Variants in STRBP observed in about 807,000 individuals in gnomAD.
The protein encoded by STRBP is spermatid perinuclear RNA-binding protein.
Under a neutral mutation model 80.1 loss-of-function variants are expected in STRBP, and 13 were observed. The ratio of observed to expected loss-of-function variants is 0.16; its 90% confidence interval spans 0.11 to 0.26. The LOEUF (loss-of-function observed/expected upper bound fraction) is 0.26, where lower values mean the gene tolerates loss of function less well. Ranked by LOEUF, STRBP falls within the 10% of genes least tolerant of loss-of-function variation. The pLI is 1.00. For synonymous variants in STRBP, 284 were observed against 291.2 expected (o/e 0.98, Z 0.25); for missense variants, 485 against 815.2 (o/e 0.59, Z 4.93).
At chr9:123,166,591 TA>T (rs1054586355) in intron 6 of STRBP, among the ~76,000 whole-genome samples, 1 of 151,686 alleles carries the variant, frequency 6.6e-6, no homozygotes, top group African/African-American at 2.4e-5. Context: ...TCATCTCTAC[TA>T]AAATACAAAA....
intron 11 of STRBP, among the ~76,000 whole-genome samples, chr9:123,157,017 C>T (rs571470799): frequency 2.6e-5 from 4 of 152,166 alleles, no homozygotes; most frequent in East Asian, 1.9e-4. Flanking sequence ...GCATTTTAAC[C>T]GGACAAGAGT....
intron 9 of STRBP, 43 bp from the exon 10 acceptor site, chr9:123,158,472 T>C: frequency 1.3e-6 from 2 of 1,558,426 alleles, no homozygotes; most frequent in Non-Finnish European, 1.8e-6. Context: ...GAACTGAGTT[T>C]AGAATTCGGT....
At chr9:123,154,044 G>A (rs1176252093) in intron 11 of STRBP, among the ~76,000 whole-genome samples, 2 of 152,132 alleles carry the variant, frequency 1.3e-5, no homozygotes, top group Non-Finnish European at 2.9e-5. Context: ...ATGTTTTTGA[G>A]GATACAGGGC....
chr9:123,231,384 T>C (rs1257929705), intron 2 of STRBP, among the ~76,000 whole-genome samples: 1 of 152,228 alleles, frequency 6.6e-6, no homozygotes, highest in Non-Finnish European at 1.5e-5. Flanking sequence ...CTTGTTCCTT[T>C]CTGGTCTTTT....
chr9:123,255,332 A>T (rs970497874), intron 1 of STRBP, among the ~76,000 whole-genome samples: 1 of 152,258 alleles, frequency 6.6e-6, no homozygotes, highest in Non-Finnish European at 1.5e-5. Flanking sequence ...AAACAGGAGT[A>T]TGGTATGGCA....
At chr9:123,264,074 G>A (rs1201088778) in intron 1 of STRBP, among the ~76,000 whole-genome samples, 1 of 152,230 alleles carries the variant, frequency 6.6e-6, no homozygotes, top group African/African-American at 2.4e-5. Context: ...AGCTACTCGG[G>A]AGGCTGGGGC....
At chr9:123,212,188 T>C (rs1408722004) in intron 2 of STRBP, among the ~76,000 whole-genome samples, 1 of 152,232 alleles carries the variant, frequency 6.6e-6, no homozygotes, top group Non-Finnish European at 1.5e-5. Flanking sequence ...ATTTAACACT[T>C]CAGGGGAAGG....
chr9:123,180,884 G>C (rs1395117484), intron 3 of STRBP: 1 of 969,396 alleles, frequency 1.0e-6, no homozygotes, highest in Admixed American at 6.2e-5. Flanking sequence ...TTATATGTTA[G>C]TACATGGTAA....
chr9:123,196,399 G>A (rs2039091950), intron 2 of STRBP, among the ~76,000 whole-genome samples: 4 of 152,062 alleles, frequency 2.6e-5, no homozygotes, highest in Admixed American at 2.6e-4. Context: ...AAAAGCTTCT[G>A]CAAAGCAAAG....
At chr9:123,147,164 G>T in intron 12 of STRBP, 110 bp from the exon 13 acceptor site, 1 of 770,326 alleles carries the variant, frequency 1.3e-6, no homozygotes. Context: ...TTTTTTAAAT[G>T]AGGATTTCAA....
chr9:123,255,892 C>T lies in STRBP; in HGVS notation c.-302+12544G>A, dbSNP rs114128889. 1.8e-3 allele frequency among the ~76,000 whole-genome samples: 274 copies of T among 152,196 alleles called. 1 individual carries two copies. The highest frequency in any genetic ancestry group is 6.4e-3 in the African/African-American group (266 of 41,522). ...GATCTCACTTCTCTTGGGCTCCCTG[C>T]TTATACTGAGGGAACCCCAGGCTGC... On this transcript the variant is annotated intron_variant, in intron 1 of 18. Coordinates refer to ENST00000348403, the MANE Select transcript of STRBP (RefSeq NM_018387.5).
At chr9:123,232,097 A>C (rs1425040467) in intron 2 of STRBP, among the ~76,000 whole-genome samples, 2 of 152,190 alleles carry the variant, frequency 1.3e-5, no homozygotes, top group Non-Finnish European at 2.9e-5. Flanking sequence ...GGATCACTTG[A>C]GGTCGGGAAT....
chr9:123,185,987 A>G (rs961587738), intron 2 of STRBP, among the ~76,000 whole-genome samples: 8 of 146,800 alleles, frequency 5.4e-5, no homozygotes, highest in African/African-American at 2.0e-4. Flanking sequence ...AGCCAAGATC[A>G]CGCCACTACA....
intron 18 of STRBP, 106 bp from the exon 19 acceptor site, chr9:123,125,779 T>G: frequency 2.3e-6 from 2 of 854,402 alleles, no homozygotes; most frequent in East Asian, 5.3e-5. Flanking sequence ...CTTTTCCAGA[T>G]CAGTCAGTCA....
At chr9:123,134,830 A>G (rs1032304725) in intron 16 of STRBP, among the ~76,000 whole-genome samples, 1 of 152,234 alleles carries the variant, frequency 6.6e-6, no homozygotes, top group Non-Finnish European at 1.5e-5. Context: ...AACAAGAATC[A>G]TCTTTCAACT....
chr9:123,251,351 A>C (rs1304991895), intron 1 of STRBP, among the ~76,000 whole-genome samples: 2 of 152,000 alleles, frequency 1.3e-5, no homozygotes, highest in Admixed American at 6.6e-5. Flanking sequence ...AATCTTCAAG[A>C]CCCCTCAAGA....
In STRBP at chr9:123,146,867, G is replaced by A. The variant is rs764304828; in HGVS notation, c.1326C>T (p.His442=). 3.2e-5 allele frequency: 52 copies of A among 1,611,930 alleles called. No individual in the cohort carries two copies. In the Admixed American group the frequency reaches 4.8e-4, roughly 15 times the overall value. Reference sequence around the variant, plus strand: ...ACAAATACTGTACCTTCACCGCTACGTGAAGTTTTGCTGTTTTCTTGGATG... The same window carrying A: ...ACAAATACTGTACCTTCACCGCTACATGAAGTTTTGCTGTTTTCTTGGATG... The part of the protein sequence containing the change: ...SGPSKKTAKL[H]VAVKVLQAMG... The change falls in exon 13 of 19, where the codon CAC becomes CAT. Residue 442 remains histidine, a synonymous_variant. Transcript: ENST00000348403.
chr9:123,179,921 A>G (rs556655359), intron 3 of STRBP, among the ~76,000 whole-genome samples: 101 of 152,070 alleles, frequency 6.6e-4, no homozygotes, highest in Non-Finnish European at 1.4e-3. Flanking sequence ...AAGACTTCTA[A>G]CCTTTCCAAA....
chr9:123,266,290 A>ACCACTTC (rs1395427662), intron 1 of STRBP, among the ~76,000 whole-genome samples: 6 of 151,608 alleles, frequency 4.0e-5, no homozygotes, highest in Non-Finnish European at 8.8e-5. Context: ...GCTCTCCCTT[A>ACCACTTC]CCCCTTCCCC....
Sources: gnomAD v4.1 joint callset for allele counts (sites outside exome capture counted in the v4.1 genomes callset) on GRCh38, gnomAD v4.1.1 for gene constraint, MANE v1.5 for transcripts, NCBI Gene and HGNC (gene_info 2026-07-23, HGNC 2026-07-21) for gene names.